CFTR: variants seen among roughly 807,000 people sequenced by gnomAD.
CFTR encodes cystic fibrosis transmembrane conductance regulator.
A neutral mutation model predicts 171.6 loss-of-function variants in CFTR; 181 were observed. The observed-to-expected ratio is 1.05, with a 90% CI of 0.93 to 1.19. CFTR has a LOEUF of 1.19. CFTR is among the 50% of genes most tolerant of loss of function. The pLI is 0.00. For missense variants in CFTR, 1,968 were observed against 1,734.7 expected (o/e 1.13, Z -2.39); for synonymous variants, 583 against 608.0 (o/e 0.96, Z 0.60).
At chr7:117,508,105 G>A (rs1798450524) in intron 2 of CFTR, among the ~76,000 whole-genome samples, 1 of 152,330 alleles carries the variant, frequency 6.6e-6, no homozygotes, top group African/African-American at 2.4e-5. Context: ...TTAGAGCCAT[G>A]TTTACTTATG....
chr7:117,594,089 A>G (rs1445243084), intron 14 of CFTR, among the ~76,000 whole-genome samples: 1 of 152,174 alleles, frequency 6.6e-6, no homozygotes, highest in Non-Finnish European at 1.5e-5. Flanking sequence ...AATTTTTCAC[A>G]TTTGCAGATA....
intron 1 of CFTR, among the ~76,000 whole-genome samples, chr7:117,493,103 G>A (rs1798187863): frequency 6.6e-6 from 1 of 152,076 alleles, no homozygotes; most frequent in South Asian, 2.1e-4. Flanking sequence ...CATTTTCCTA[G>A]AGTGTGAATG....
intron 1 of CFTR, among the ~76,000 whole-genome samples, chr7:117,483,554 A>G (rs554316885): frequency 3.2e-4 from 48 of 152,026 alleles, no homozygotes; most frequent in Middle Eastern, 6.8e-3. Context: ...TTTAAAGACA[A>G]TTCTTTTGTT....
intron 21 of CFTR, among the ~76,000 whole-genome samples, chr7:117,615,999 T>C (rs917979755): frequency 1.1e-4 from 17 of 152,110 alleles, no homozygotes; most frequent in Admixed American, 7.2e-4. Context: ...CCTTGTTCTC[T>C]GAGACAGTGT....
chr7:117,568,295 T>A lies in CFTR; in HGVS notation c.1584+8640T>A, dbSNP rs757245029. 1.7e-4 allele frequency among the ~76,000 whole-genome samples: 26 copies of A among 152,168 alleles called. 1 individual carries two copies. Among genetic ancestry groups the A allele is most frequent in the Non-Finnish European group, 3.2e-4 (22 of 68,038 alleles). On this transcript the variant is annotated intron_variant, in intron 11 of 26. Coordinates refer to ENST00000003084, the MANE Select transcript of CFTR (RefSeq NM_000492.4). ...ACTGGGGGCCATGGGACTCACTGAA[T>A]GGCATTAAATTTGAGAGTGGTCATA...
At chr7:117,509,177 C>G (rs371983339) in intron 3 of CFTR, 35 bp downstream of exon 3, 6 of 1,146,814 alleles carry the variant, frequency 5.2e-6, no homozygotes, top group Non-Finnish European at 7.9e-6. Flanking sequence ...TTATGTATCA[C>G]ATAACTATAT....
At position 117,604,493 on chromosome 7, in the gene CFTR, T is replaced by C. The variant is rs527707966; in HGVS notation, c.2908+711T>C. On this transcript the variant is annotated intron_variant, in intron 17 of 26. Transcript: ENST00000003084. ...GGCATTTATGGTATGAAAAGATGAG[T>C]AAGGCACAGTTCTTGCCCTGGAGAA... Among the ~76,000 whole-genome samples, 5 of 152,236 alleles carry C rather than the reference T, an allele frequency of 3.3e-5. No homozygotes were observed. The East Asian group carries it at 9.6e-4, about 29-fold the overall frequency.
intron 10 of CFTR, among the ~76,000 whole-genome samples, chr7:117,550,942 T>G (rs4148706): frequency 0.24 from 36,745 of 152,078 alleles, 4,739 homozygotes; most frequent in East Asian, 0.42. Context: ...TAGTTTTTTT[T>G]GGACAAAAGA....
At chr7:117,615,446 T>C (rs1056492667) in intron 21 of CFTR, among the ~76,000 whole-genome samples, 1 of 152,028 alleles carries the variant, frequency 6.6e-6, no homozygotes, top group Admixed American at 6.6e-5. Context: ...CTTCCTTATA[T>C]TGGGTTCTCA....
rs563449600 is a variant in CFTR, at chr7:117,640,886, T to C, written c.3718-1552T>C. Among the ~76,000 whole-genome samples the C allele has an allele frequency of 2.6e-5, 4 of 152,320 alleles. No individual in the cohort carries two copies. The South Asian group carries it at 8.3e-4, about 32-fold the overall frequency. Reference sequence around the variant, plus strand: ...TTCCATCTGGCTATCCCTTAGTCAATTCAAATAAATATTTATGGGGCACTT... The same window carrying C: ...TTCCATCTGGCTATCCCTTAGTCAACTCAAATAAATATTTATGGGGCACTT... On this transcript the variant is annotated intron_variant, in intron 22 of 26. Transcript: ENST00000003084.
intron 4 of CFTR, among the ~76,000 whole-genome samples, chr7:117,531,317 T>A (rs1798862510): frequency 6.6e-6 from 1 of 152,110 alleles, no homozygotes; most frequent in South Asian, 2.1e-4. Context: ...AATTATTGAG[T>A]ATCTTCTGTA....
chr7:117,564,009 T>C (rs1791558266), intron 11 of CFTR, among the ~76,000 whole-genome samples: 1 of 152,226 alleles, frequency 6.6e-6, no homozygotes, highest in Admixed American at 6.5e-5. Context: ...TATATGCTGT[T>C]TTCTTCTCTA....
intron 21 of CFTR, among the ~76,000 whole-genome samples, chr7:117,622,480 A>G (rs935569377): frequency 2.0e-5 from 3 of 152,078 alleles, no homozygotes; most frequent in Admixed American, 6.6e-5. Flanking sequence ...ATACTTAGAA[A>G]ATTTTTCCTG....
intron 4 of CFTR, among the ~76,000 whole-genome samples, chr7:117,531,721 G>T (rs1798869698): frequency 1.3e-5 from 2 of 152,104 alleles, no homozygotes; most frequent in Admixed American, 1.3e-4. Flanking sequence ...TCATTTAGGT[G>T]AATTCTAATT....
At position 117,627,689 on chromosome 7, in the gene CFTR, C is replaced by T; in HGVS notation, c.3636C>T (p.Val1212=). 1 of 1,613,142 alleles carries T rather than the reference C, an allele frequency of 6.2e-7. No homozygotes were observed. The highest frequency in any genetic ancestry group is 8.5e-7 in the Non-Finnish European group (1 of 1,179,464). The change falls in exon 22 of 27, where the codon GTC becomes GTT. Residue 1212 remains valine (V), a synonymous_variant. Coordinates refer to ENST00000003084, the MANE Select transcript of CFTR (RefSeq NM_000492.4). ...GGCCCTCAGGGGGCCAAATGACTGT[C>T]AAAGATCTCACAGCAAAATACACAG... is the stretch of plus-strand genomic sequence containing the variant. ...DIWPSGGQMT[V]KDLTAKYTEG... is the part of the protein sequence containing the mutation.
At position 117,534,204 on chromosome 7, in the gene CFTR, T is replaced by C. The variant is rs1192940421; in HGVS notation, c.490-72T>C. 4 of 729,238 alleles carry C rather than the reference T, an allele frequency of 5.5e-6. 1 individual carries two copies. The highest frequency in any genetic ancestry group is 9.7e-6 in the Non-Finnish European group (4 of 411,726). The allele number at this position is 729,238 out of a possible 1,614,324, so 45.2% of individuals were successfully genotyped here. A position where few individuals can be genotyped will look rare whatever the true frequency, so the allele number is the denominator to read the frequency against. On this transcript the variant is annotated intron_variant, in intron 4 of 26. Transcript: ENST00000003084. The stretch of plus-strand genomic sequence containing the variant: ...GAATGCATAATAACTGAATTAGTCA[T>C]ATTATAATTTTACTTATAATATATT...
intron 1 of CFTR, among the ~76,000 whole-genome samples, chr7:117,496,096 C>A (rs990031331): frequency 6.6e-6 from 1 of 152,134 alleles, no homozygotes; most frequent in Non-Finnish European, 1.5e-5. Flanking sequence ...TTTGCCTGTT[C>A]TGGAAATTTT....
At chr7:117,608,640 A>G (rs903592169) in intron 18 of CFTR, among the ~76,000 whole-genome samples, 8 of 152,194 alleles carry the variant, frequency 5.3e-5, no homozygotes, top group African/African-American at 1.9e-4. Flanking sequence ...AATATATGAC[A>G]ATCCAAATAC....
intron 21 of CFTR, among the ~76,000 whole-genome samples, chr7:117,617,536 A>G (rs1792510824): frequency 6.6e-6 from 1 of 151,946 alleles, no homozygotes; most frequent in Non-Finnish European, 1.5e-5. Flanking sequence ...CAGGTGCTCC[A>G]ATAATTCCAA....
Sources: allele counts gnomAD v4.1 joint callset (sites outside exome capture counted in the v4.1 genomes callset), GRCh38; gene constraint gnomAD v4.1.1; transcripts MANE v1.5; gene names NCBI Gene and HGNC (gene_info 2026-07-23, HGNC 2026-07-21).